CBL: variants seen among roughly 807,000 people sequenced by gnomAD.
The protein encoded by CBL is Cbl proto-oncogene.
CBL carries 45 observed loss-of-function variants against 96.9 expected under a neutral mutation model. That is an observed-to-expected ratio of 0.46 (90% CI 0.37 to 0.60). The LOEUF (loss-of-function observed/expected upper bound fraction) is 0.60. Ranked by LOEUF, CBL falls within the 20% of genes least tolerant of loss-of-function variation. The pLI is 0.00. For synonymous variants in CBL, 420 were observed against 426.8 expected (o/e 0.98, Z 0.20); for missense variants, 1,024 against 1,143.5 (o/e 0.90, Z 1.51).
chr11:119,214,565 A>C (rs1272114586), intron 1 of CBL, among the ~76,000 whole-genome samples: 1 of 152,182 alleles, frequency 6.6e-6, no homozygotes, highest in African/African-American at 2.4e-5. Flanking sequence ...CATTCTCTTG[A>C]ATGATACTAA....
chr11:119,241,377 A>T (rs1949585432), intron 2 of CBL, among the ~76,000 whole-genome samples: 1 of 152,228 alleles, frequency 6.6e-6, no homozygotes, highest in Non-Finnish European at 1.5e-5. Flanking sequence ...TTGTGCAAGT[A>T]GGATTAAGCT....
At chr11:119,268,290 C>G (rs1949818806) in intron 2 of CBL, among the ~76,000 whole-genome samples, 1 of 152,080 alleles carries the variant, frequency 6.6e-6, no homozygotes, top group Middle Eastern at 3.4e-3. Flanking sequence ...TAATTATCAC[C>G]AAGGAGTTTG....
At chr11:119,224,971 ATGT>A (rs1223486687) in intron 1 of CBL, among the ~76,000 whole-genome samples, 1 of 151,850 alleles carries the variant, frequency 6.6e-6, no homozygotes, top group Non-Finnish European at 1.5e-5. Context: ...TTTCAAACCC[ATGT>A]TGTTGAAGGG....
chr11:119,244,080 G>T (rs2135274568), intron 2 of CBL, among the ~76,000 whole-genome samples: 1 of 152,296 alleles, frequency 6.6e-6, no homozygotes, highest in African/African-American at 2.4e-5. Flanking sequence ...TTAGGTAACA[G>T]CACGAATTCA....
intron 1 of CBL, among the ~76,000 whole-genome samples, chr11:119,218,393 A>G (rs1481195561): frequency 6.6e-6 from 1 of 152,186 alleles, no homozygotes; most frequent in Non-Finnish European, 1.5e-5. Context: ...TGTCTTAATT[A>G]GTGTATGGCA....
Position 119,307,340 on chromosome 11 carries a change from C to T in CBL, c.*7559C>T, listed in dbSNP as rs1052121. 2.6e-5 allele frequency: 6 copies of T among 232,740 alleles called. No individual in the cohort carries two copies. The South Asian group carries it at 5.4e-4, about 21-fold the overall frequency. The allele number at this position is 232,740 out of a possible 1,614,324, so 14.4% of individuals were successfully genotyped here. On this transcript the variant is annotated 3_prime_UTR_variant, in exon 16 of 16. Coordinates refer to ENST00000264033, the MANE Select transcript of CBL (RefSeq NM_005188.4). ...GATGACATTAATTACCTAGTTGTGT[C>T]GAGGAGTATAGGATGGACTCTCCTG... is the stretch of plus-strand genomic sequence containing the variant.
In CBL at chr11:119,302,205, A is replaced by G. The variant is rs2135324086; in HGVS notation, c.*2424A>G. The G allele has an allele frequency of 4.3e-6, 1 of 232,944 alleles. No homozygotes were observed. The highest frequency in any genetic ancestry group is 5.6e-5 in the Admixed American group (1 of 17,786). The allele number at this position is 232,944 out of a possible 1,614,324, so 14.4% of individuals were successfully genotyped here. A position where few individuals can be genotyped will look rare whatever the true frequency, so the allele number is the denominator to read the frequency against. ...TGTCAGTTTGTCACAGGTATCTGCC[A>G]GCATTCAAGGTTTTGGATCATTTCA... On this transcript the variant is annotated 3_prime_UTR_variant, in exon 16 of 16. Transcript: ENST00000264033.
chr11:119,215,564 G>A (rs952528643), intron 1 of CBL, among the ~76,000 whole-genome samples: 3 of 151,958 alleles, frequency 2.0e-5, no homozygotes, highest in Non-Finnish European at 2.9e-5. Context: ...TCCTCGGGAG[G>A]CTGAGGCAGG....
At chr11:119,269,552 A>G (rs1367588166) in intron 2 of CBL, among the ~76,000 whole-genome samples, 1 of 152,118 alleles carries the variant, frequency 6.6e-6, no homozygotes, top group Admixed American at 6.5e-5. Flanking sequence ...GGATATAAAG[A>G]CTTGGATAAT....
In CBL at chr11:119,300,465, C is replaced by T. The variant is rs1950093884; in HGVS notation, c.*684C>T. The T allele has an allele frequency of 2.5e-6, 1 of 402,490 alleles. No individual in the cohort carries two copies. Among genetic ancestry groups the T allele is most frequent in the Admixed American group, 4.2e-5 (1 of 23,602 alleles). 24.9% of individuals were successfully genotyped at this position (402,490 alleles called of 1,614,324 possible). On this transcript the variant is annotated 3_prime_UTR_variant, in exon 16 of 16. Transcript: ENST00000264033. ...CATGGGCTTGCTATGGCCAGCCTTA[C>T]TGAGGCCAAGCAGCTTATGGGATGT...
At chr11:119,256,899 C>A (rs1297084694) in intron 2 of CBL, among the ~76,000 whole-genome samples, 1 of 152,108 alleles carries the variant, frequency 6.6e-6, no homozygotes, top group Non-Finnish European at 1.5e-5. Flanking sequence ...GACATTATTT[C>A]ATTTTTTTCT....
chr11:119,245,241 T>G (rs1351331735), intron 2 of CBL, among the ~76,000 whole-genome samples: 2 of 151,924 alleles, frequency 1.3e-5, no homozygotes, highest in Middle Eastern at 3.2e-3. Context: ...AATGCAGTTT[T>G]TCTCTCAGCC....
intron 2 of CBL, among the ~76,000 whole-genome samples, chr11:119,234,443 G>T (rs1949526836): frequency 6.6e-6 from 1 of 152,150 alleles, no homozygotes; most frequent in Admixed American, 6.5e-5. Flanking sequence ...CGACTGTATG[G>T]ACCTTTTAGC....
rs762016318 is a variant in CBL, at chr11:119,285,328, C to T, written c.1703C>T (p.Thr568Ile). Residue 568 changes from threonine to isoleucine, a missense_variant, in exon 11 of 16, where the codon ACA becomes ATA. This residue lies in a region of CBL where 695 missense variants were observed against 661.6 expected (regional missense o/e 1.05). Coordinates refer to ENST00000264033, the MANE Select transcript of CBL (RefSeq NM_005188.4). The part of the protein sequence containing the change: ...SRPQRRPLPC[T>I]PGDCPSRDKL... ...CCTCAAAGACGCCCCTTGCCTTGTA[C>T]ACCAGGCGACTGTCCCTCCAGAGAC... 34 of 1,614,068 alleles carry T rather than the reference C, an allele frequency of 2.1e-5. No homozygotes were observed. Among genetic ancestry groups the T allele is most frequent in the Non-Finnish European group, 2.8e-5 (33 of 1,180,026 alleles).
chr11:119,242,758 AAAAG>A (rs1394846178), intron 2 of CBL, among the ~76,000 whole-genome samples: 3 of 150,662 alleles, frequency 2.0e-5, no homozygotes, highest in Non-Finnish European at 4.4e-5. Flanking sequence ...AAAAAAAAAA[AAAAG>A]AAACCAGTTT....
Position 119,273,862 on chromosome 11 carries a change from C to T in CBL, c.591-6C>T. ...ACTTTATGCCTCCTCTCCACCCCCT[C>T]CCCAGGACAATAGTCCCTTGGAAGA... is the stretch of plus-strand genomic sequence containing the variant. On this transcript the variant is annotated splice_polypyrimidine_tract_variant and splice_region_variant and intron_variant, in intron 3 of 15. Transcript: ENST00000264033. The T allele has an allele frequency of 6.2e-7, 1 of 1,613,330 alleles. No homozygotes were observed. The highest frequency in any genetic ancestry group is 8.5e-7 in the Non-Finnish European group (1 of 1,179,296).
intron 2 of CBL, among the ~76,000 whole-genome samples, chr11:119,245,603 C>A (rs1193840061): frequency 6.6e-6 from 1 of 151,936 alleles, no homozygotes; most frequent in Non-Finnish European, 1.5e-5. Flanking sequence ...GTGGTGGGTA[C>A]CTGTAATCCC....
chr11:119,263,701 A>C (rs2135289445), intron 2 of CBL, among the ~76,000 whole-genome samples: 2 of 152,328 alleles, frequency 1.3e-5, no homozygotes, highest in South Asian at 4.1e-4. Context: ...CGATGATAAG[A>C]GTTAAACAGT....
rs1412088799 is a variant in CBL at position 119,285,399 on chromosome 11, C to T, written c.1774C>T (p.Pro592Ser). Residue 592 changes from proline to serine, a missense_variant, in exon 11 of 16, where the codon CCC becomes TCC. Pro to Ser is a moderately conservative substitution (Grantham distance 74). This residue lies in a region of CBL where 695 missense variants were observed against 661.6 expected (regional missense o/e 1.05). Coordinates refer to ENST00000264033, the MANE Select transcript of CBL (RefSeq NM_005188.4). ...TAGCCGCCTTGGAGACTCATGGCTGCCCCGGCCAATCCCCAAAGTACCAGT... is the reference window on the plus strand; with the variant it reads ...TAGCCGCCTTGGAGACTCATGGCTGTCCCGGCCAATCCCCAAAGTACCAGT... ...PSSRLGDSWL[P>S]RPIPKVPVSA... 6.2e-7 allele frequency: 1 copy of T among 1,614,188 alleles called. No individual in the cohort carries two copies. Among genetic ancestry groups the T allele is most frequent in the Non-Finnish European group, 8.5e-7 (1 of 1,180,026 alleles).
Sources: allele counts gnomAD v4.1 joint callset (sites outside exome capture counted in the v4.1 genomes callset), GRCh38; gene constraint gnomAD v4.1.1; regional missense constraint gnomAD v4.1.1; transcripts MANE v1.5; gene names NCBI Gene and HGNC (gene_info 2026-07-23, HGNC 2026-07-21).